The following GSDMC variants were observed in gnomAD, a reference collection of about 807,000 sequenced individuals.
GSDMC encodes gasdermin-C.
In GSDMC, 59 loss-of-function variants were observed where a neutral mutation model predicts 58.0. That is an observed-to-expected ratio of 1.02 (90% CI 0.82 to 1.26). The LOEUF is 1.26. GSDMC is among the 50% of genes most tolerant of loss of function. GSDMC has a pLI of 0.00. For missense variants in GSDMC, 659 were observed against 598.5 expected (o/e 1.10, Z -1.06); for synonymous variants, 241 against 220.2 (o/e 1.09, Z -0.83).
At chr8:129,784,646 G>A (rs1220142534) in intron 1 of GSDMC, among the ~76,000 whole-genome samples, 3 of 152,160 alleles carry the variant, frequency 2.0e-5, no homozygotes, top group African/African-American at 7.2e-5. Flanking sequence ...CTGTTTGTGG[G>A]AATGTAAATT....
the GSDMC span, among the ~76,000 whole-genome samples, chr8:129,718,328 G>GAA: frequency 6.6e-6 from 1 of 151,956 alleles, no homozygotes; most frequent in Non-Finnish European, 1.5e-5. Flanking sequence ...AAATTTACAA[G>GAA]AAAAAAACAA....
chr8:129,735,597 T>C, the GSDMC span, among the ~76,000 whole-genome samples: 2 of 152,224 alleles, frequency 1.3e-5, no homozygotes, highest in South Asian at 2.1e-4. Context: ...AAAGATGTTC[T>C]TTGAAACCAA....
chr8:129,723,322 C>T, the GSDMC span, among the ~76,000 whole-genome samples: 1 of 152,028 alleles, frequency 6.6e-6, no homozygotes, highest in African/African-American at 2.4e-5. Flanking sequence ...CTCACTGCAA[C>T]CTCTGCCTCC....
the GSDMC span, chr8:129,730,330 T>G: frequency 7.4e-7 from 1 of 1,347,106 alleles, no homozygotes; most frequent in Non-Finnish European, 1.0e-6. Context: ...AGCAAGTCAC[T>G]GCATGATCTT....
At chr8:129,759,524 T>C (rs1044289616) in intron 6 of GSDMC, among the ~76,000 whole-genome samples, 1 of 151,972 alleles carries the variant, frequency 6.6e-6, no homozygotes, top group Non-Finnish European at 1.5e-5. Flanking sequence ...TAGAAATAAA[T>C]CTAATAATCT....
At chr8:129,717,012 G>A in the GSDMC span, among the ~76,000 whole-genome samples, 6 of 152,082 alleles carry the variant, frequency 3.9e-5, no homozygotes, top group Non-Finnish European at 7.4e-5. Context: ...TGCTGGATTC[G>A]GTTTGCCAGT....
At position 129,776,175 on chromosome 8, in the gene GSDMC, C is replaced by T; in HGVS notation, c.331G>A (p.Val111Met). Residue 111 changes from valine (V) to methionine (M), a missense_variant, in exon 3 of 14, where the codon GTG (valine) becomes ATG (methionine). Coordinates refer to ENST00000276708, the MANE Select transcript of GSDMC (RefSeq NM_031415.3). ...AACTCGAGGGAGCATCCATGGTCCA[C>T]AGAGGCCTCCCCTGACACACTCACT... Reference protein sequence around the residue: ...IEVSVSGEASVDHGCSLEFQI... With the variant: ...IEVSVSGEASMDHGCSLEFQI... 6.2e-7 allele frequency: 1 copy of T among 1,613,972 alleles called. No individual in the cohort carries two copies. The highest frequency in any genetic ancestry group is 8.5e-7 in the Non-Finnish European group (1 of 1,179,868).
the GSDMC span, chr8:129,730,005 T>G: frequency 6.9e-7 from 1 of 1,440,154 alleles, no homozygotes; most frequent in Non-Finnish European, 9.6e-7. Context: ...TAGTTCATCT[T>G]CCAACGGAAG....
intron 1 of GSDMC, among the ~76,000 whole-genome samples, chr8:129,779,723 A>T (rs2034352953): frequency 6.6e-6 from 1 of 152,048 alleles, no homozygotes; most frequent in South Asian, 2.1e-4. Flanking sequence ...AATAAAATGT[A>T]ATTTTGAATT....
Position 129,765,625 on chromosome 8 carries a change from T to C in GSDMC, c.570+3A>G, listed in dbSNP as rs1354781394. On this transcript the variant is annotated splice_donor_region_variant and intron_variant, in intron 4 of 13. Transcript: ENST00000276708. ...TCAATCCCACTTCAGGACAACTTTATACCTTGCCATAGGTAATCCAAAGAG... is the reference window on the plus strand; with the variant it reads ...TCAATCCCACTTCAGGACAACTTTACACCTTGCCATAGGTAATCCAAAGAG... The C allele has an allele frequency of 5.0e-6, 8 of 1,610,386 alleles. No individual in the cohort carries two copies. In the African/African-American group the frequency reaches 1.1e-4, roughly 22 times the overall value.
At chr8:129,738,332 C>T in the GSDMC span, among the ~76,000 whole-genome samples, 1 of 152,192 alleles carries the variant, frequency 6.6e-6, no homozygotes, top group African/African-American at 2.4e-5. Context: ...GATTATAAAT[C>T]ATGCTATAAA....
chr8:129,750,677 C>T, intron 10 of GSDMC, 107 bp from the exon 11 acceptor site: 1 of 1,131,480 alleles, frequency 8.8e-7, no homozygotes, highest in Non-Finnish European at 1.3e-6. Flanking sequence ...CTCCTCTATC[C>T]CTTTCAGCTG....
intron 3 of GSDMC, among the ~76,000 whole-genome samples, chr8:129,770,652 G>C (rs1326147773): frequency 2.0e-5 from 3 of 151,936 alleles, no homozygotes; most frequent in African/African-American, 4.8e-5. Flanking sequence ...AAAAGATTAA[G>C]AGAAAGGAAT....
In GSDMC at chr8:129,748,268, C is replaced by T. The variant is rs935112492; in HGVS notation, c.*233G>A. The T allele has an allele frequency of 1.6e-5, 6 of 372,898 alleles. No individual in the cohort carries two copies. In the South Asian group the frequency reaches 2.9e-4, roughly 18 times the overall value. The allele number at this position is 372,898 out of a possible 1,614,324, so 23.1% of individuals were successfully genotyped here. A position where few individuals can be genotyped will look rare whatever the true frequency, so the allele number is the denominator to read the frequency against. On this transcript the variant is annotated 3_prime_UTR_variant, in exon 14 of 14. Coordinates refer to ENST00000276708, the MANE Select transcript of GSDMC (RefSeq NM_031415.3). The stretch of plus-strand genomic sequence containing the variant: ...GTGAAACGCTTACGTCTTTAACATA[C>T]TATTTGAGGAGTTTTGACAAATATA...
chr8:129,747,086 CAA>C (rs879490530), downstream of GSDMC, among the ~76,000 whole-genome samples: 4 of 108,404 alleles, frequency 3.7e-5, no homozygotes, highest in Admixed American at 1.0e-4. Context: ...CCTGTCTGTA[CAA>C]AAAAAAAAAA....
intron 12 of GSDMC, 47 bp downstream of exon 12, chr8:129,749,943 G>A (rs777996676): frequency 6.6e-7 from 1 of 1,518,084 alleles, no homozygotes; most frequent in South Asian, 1.3e-5. Context: ...GCGGGTCCTG[G>A]GGACCAATCT....
the GSDMC span, among the ~76,000 whole-genome samples, chr8:129,726,316 T>G: frequency 1.2e-4 from 19 of 152,130 alleles, no homozygotes; most frequent in African/African-American, 4.6e-4. Context: ...GGCCCTCAGT[T>G]GATGCCCCAC....
Position 129,750,437 on chromosome 8 carries a change from C to T in GSDMC, c.1077G>A (p.Met359Ile). 6.2e-7 allele frequency: 1 copy of T among 1,613,472 alleles called. No homozygotes were observed. The highest frequency in any genetic ancestry group is 1.7e-5 in the Admixed American group (1 of 59,890). The change falls in exon 11 of 14, where the codon ATG (methionine) becomes ATA (isoleucine). Residue 359 changes from methionine (M) to isoleucine (I), a missense_variant. Physicochemically the swap from Met to Ile is conservative, Grantham distance 10. Coordinates refer to ENST00000276708, the MANE Select transcript of GSDMC (RefSeq NM_031415.3). ...CAACTGTGGAGCCCCTCACCATGTT[C>T]ATCAGGTCCTGTAGAGCCCCTCTGT... ...LRDRGALQDL[M>I]NMLELDSSGH...
the GSDMC span, among the ~76,000 whole-genome samples, chr8:129,737,429 T>G: frequency 6.6e-6 from 1 of 152,040 alleles, no homozygotes; most frequent in African/African-American, 2.4e-5. Context: ...CATGGTACTG[T>G]TACCAAAACA....
Sources: allele counts gnomAD v4.1 joint callset (sites outside exome capture counted in the v4.1 genomes callset), GRCh38; gene constraint gnomAD v4.1.1; transcripts MANE v1.5; gene names NCBI Gene and HGNC (gene_info 2026-07-23, HGNC 2026-07-21).